The following SGTA variants were observed in gnomAD, a reference collection of about 807,000 sequenced individuals.
The protein encoded by SGTA is small glutamine rich tetratricopeptide repeat co-chaperone alpha.
A neutral mutation model predicts 44.3 loss-of-function variants in SGTA; 22 were observed. The ratio of observed to expected loss-of-function variants is 0.50; its 90% CI spans 0.36 to 0.71. The LOEUF is 0.71. SGTA is among the 30% of genes least tolerant of loss of function. SGTA has a pLI of 0.00. For synonymous variants in SGTA, 174 were observed against 177.6 expected (o/e 0.98, Z 0.16); for missense variants, 341 against 435.9 (o/e 0.78, Z 1.94).
intron 5 of SGTA, among the ~76,000 whole-genome samples, chr19:2,764,270 T>C (rs957238428): frequency 6.6e-6 from 1 of 152,224 alleles, no homozygotes; most frequent in African/African-American, 2.4e-5. Flanking sequence ...CCTCTGCAAC[T>C]GTCCTGTAAG....
In SGTA at chr19:2,755,197, CAGA is replaced by C. The variant is rs1040591867; in HGVS notation, c.*740_*742del. ...GTGCCCGGGGCTAAGGCGGCCGGGACAGAAGGTCATGATGTCGCCCCTGGCTCT... is the reference window on the plus strand; with the variant it reads ...GTGCCCGGGGCTAAGGCGGCCGGGACAGGTCATGATGTCGCCCCTGGCTCT... On this transcript the variant is annotated 3_prime_UTR_variant, in exon 12 of 12. Coordinates refer to ENST00000221566, the MANE Select transcript of SGTA (RefSeq NM_003021.4). The surrounding 1 kb of genome is among the most constrained non-coding windows in gnomAD (Gnocchi z 5.2). 6.2e-6 allele frequency: 1 copy of C among 161,910 alleles called. No homozygotes were observed. Among genetic ancestry groups the C allele is most frequent in the Non-Finnish European group, 1.3e-5 (1 of 75,856 alleles). 10.0% of individuals were successfully genotyped at this position (161,910 alleles called of 1,614,324 possible). A position where few individuals can be genotyped will look rare whatever the true frequency, so the allele number is the denominator to read the frequency against.
At position 2,755,592 on chromosome 19, in the gene SGTA, G is replaced by A. The variant is rs1259331791; in HGVS notation, c.*348C>T. 4.1e-6 allele frequency: 4 copies of A among 985,486 alleles called. No individual in the cohort carries two copies. The highest frequency in any genetic ancestry group is 3.6e-6 in the Non-Finnish European group (3 of 830,046). 61.0% of individuals were successfully genotyped at this position (985,486 alleles called of 1,614,324 possible). The stretch of plus-strand genomic sequence containing the variant: ...TTGGAAGCCACACGATCCGCCACAC[G>A]GCTGAACGTGAAACCTGCCACTTCT... On this transcript the variant is annotated 3_prime_UTR_variant, in exon 12 of 12. Transcript: ENST00000221566. The surrounding 1 kb of genome is among the most constrained non-coding windows in gnomAD (Gnocchi z 5.2).
chr19:2,773,957 G>A (rs1359759845), intron 1 of SGTA, among the ~76,000 whole-genome samples: 1 of 133,810 alleles, frequency 7.5e-6, no homozygotes, highest in Non-Finnish European at 1.5e-5. Flanking sequence ...GGCAGAGATG[G>A]GTGACGCGGC....
Position 2,761,793 on chromosome 19 carries a change from G to A in SGTA, c.637-271C>T, listed in dbSNP as rs1022864016. The stretch of plus-strand genomic sequence containing the variant: ...TGTTTATTCCCCGCACAGCGCGACC[G>A]CCCGGGGACGGCACAGTCTATCATC... On this transcript the variant is annotated intron_variant, in intron 7 of 11. Coordinates refer to ENST00000221566, the MANE Select transcript of SGTA (RefSeq NM_003021.4). The surrounding 1 kb of genome is among the most constrained non-coding windows in gnomAD (Gnocchi z 5.7). 8.4e-5 allele frequency among the ~76,000 whole-genome samples: 12 copies of A among 143,326 alleles called. No individual in the cohort carries two copies. Among genetic ancestry groups the A allele is most frequent in the East Asian group, 4.2e-4 (2 of 4,752 alleles). The allele number at this position is 143,326 out of a possible 152,430, so 94.0% of individuals were successfully genotyped here. A position where few individuals can be genotyped will look rare whatever the true frequency, so the allele number is the denominator to read the frequency against.
intron 1 of SGTA, among the ~76,000 whole-genome samples, chr19:2,774,965 G>A (rs1003404610): frequency 1.3e-5 from 2 of 152,238 alleles, no homozygotes; most frequent in Non-Finnish European, 2.9e-5. Flanking sequence ...ATGGAGTGGG[G>A]GGAGGCCAGG....
intron 8 of SGTA, among the ~76,000 whole-genome samples, chr19:2,760,089 C>G (rs1914940476): frequency 6.6e-6 from 1 of 152,194 alleles, no homozygotes. Context: ...GGCAAACTCT[C>G]TGTGTAAAGG....
At chr19:2,772,247 G>A (rs184982575) in intron 1 of SGTA, among the ~76,000 whole-genome samples, 3 of 152,358 alleles carry the variant, frequency 2.0e-5, no homozygotes, top group South Asian at 2.1e-4. Flanking sequence ...CGCCAGCCTC[G>A]GGATGGACGA....
intron 6 of SGTA, among the ~76,000 whole-genome samples, chr19:2,762,972 G>C (rs115575123): frequency 1.3e-5 from 2 of 152,214 alleles, no homozygotes; most frequent in African/African-American, 4.8e-5. Context: ...TCTTGGCCCC[G>C]CTTCCCGGCA....
At chr19:2,759,742 C>T (rs1036949960) in intron 8 of SGTA, among the ~76,000 whole-genome samples, 2 of 152,176 alleles carry the variant, frequency 1.3e-5, no homozygotes, top group Admixed American at 6.5e-5. Flanking sequence ...AGGCAGATCG[C>T]TTGAGGTCAG....
intron 6 of SGTA, 68 bp from the exon 7 acceptor site, chr19:2,762,712 CG>C (rs1915033536): frequency 1.3e-5 from 20 of 1,585,504 alleles, no homozygotes; most frequent in Non-Finnish European, 1.6e-5. Flanking sequence ...CCAAAGCCCT[CG>C]TCCCCGGCGG....
chr19:2,763,682 CG>C lies in SGTA; in HGVS notation c.467del (p.Pro156ArgfsTer46). 1 of 1,613,526 alleles carries C rather than the reference CG, an allele frequency of 6.2e-7. No homozygotes were observed. The highest frequency in any genetic ancestry group is 1.1e-5 in the South Asian group (1 of 91,034). On this transcript the variant is annotated frameshift_variant, in exon 6 of 12. Coordinates refer to ENST00000221566, the MANE Select transcript of SGTA (RefSeq NM_003021.4). LOFTEE classifies it high-confidence loss of function. This position sits in a 1 kb window ranked among gnomAD's most constrained non-coding sequence, Gnocchi z 5.8. ...TCCTGCCGTAGGCCTTGCTGTAGGC[CG>C]GGTCAATGCAGATGGCCCGCTCACA... ...QDCERAICID[P>X]AYSKAYGRMG... is the part of the protein sequence containing the mutation.
At chr19:2,779,104 C>T (rs1048767350) in intron 1 of SGTA, among the ~76,000 whole-genome samples, 16 of 152,214 alleles carry the variant, frequency 1.1e-4, no homozygotes, top group African/African-American at 3.9e-4. Context: ...TCCCCAGACA[C>T]TGCCAAACCG....
chr19:2,760,014 T>C (rs1206693687), intron 8 of SGTA, among the ~76,000 whole-genome samples: 2 of 152,106 alleles, frequency 1.3e-5, no homozygotes, highest in Non-Finnish European at 2.9e-5. Flanking sequence ...GGGCACTTTC[T>C]CATGTTAACT....
intron 8 of SGTA, among the ~76,000 whole-genome samples, chr19:2,760,743 T>G (rs1568307650): frequency 1.3e-5 from 2 of 152,068 alleles, no homozygotes; most frequent in Admixed American, 1.3e-4. Context: ...GTAAGAGGTG[T>G]GGCCTCTGCT....
chr19:2,755,756 G>C lies in SGTA; in HGVS notation c.*184C>G. 1 of 985,548 alleles carries C rather than the reference G, an allele frequency of 1.0e-6. No homozygotes were observed. Among genetic ancestry groups the C allele is most frequent in the Non-Finnish European group, 1.2e-6 (1 of 830,020 alleles). The allele number at this position is 985,548 out of a possible 1,614,324, so 61.1% of individuals were successfully genotyped here. ...TTCAAGAAGGGTCTGGGGGCTGTAA[G>C]GGAGTTACAAAAAGGGAGTGGAGGA... On this transcript the variant is annotated 3_prime_UTR_variant, in exon 12 of 12. Coordinates refer to ENST00000221566, the MANE Select transcript of SGTA (RefSeq NM_003021.4). This position sits in a 1 kb window ranked among gnomAD's most constrained non-coding sequence, Gnocchi z 5.2.
intron 1 of SGTA, among the ~76,000 whole-genome samples, chr19:2,778,717 T>C (rs7249935): frequency 0.022 from 3,345 of 152,174 alleles, 103 homozygotes; most frequent in African/African-American, 0.075. Flanking sequence ...TCACAAACTA[T>C]GGAGGATTGC....
intron 1 of SGTA, among the ~76,000 whole-genome samples, chr19:2,773,913 A>G (rs13344865): frequency 0.023 from 1,081 of 47,674 alleles, 171 homozygotes; most frequent in East Asian, 0.14. Flanking sequence ...GAGGGCAGAG[A>G]TGGGTGACGC....
Position 2,759,461 on chromosome 19 carries a change from C to A in SGTA, c.700-167G>T, listed in dbSNP as rs537854819. 4.8e-6 allele frequency: 3 copies of A among 624,662 alleles called. No individual in the cohort carries two copies. In the East Asian group the frequency reaches 8.1e-5, roughly 17 times the overall value. 38.7% of individuals were successfully genotyped at this position (624,662 alleles called of 1,614,324 possible). ...ATACCCTTTTCCCTACATTTTCGCC[C>A]CCCCACCCACGAGCTGTGACCTCCA... is the stretch of plus-strand genomic sequence containing the variant. On this transcript the variant is annotated intron_variant, in intron 8 of 11. Transcript: ENST00000221566.
At chr19:2,776,869 G>A (rs138672036) in intron 1 of SGTA, among the ~76,000 whole-genome samples, 15 of 151,624 alleles carry the variant, frequency 9.9e-5, no homozygotes, top group South Asian at 2.1e-4. Context: ...AGGCTGAGGC[G>A]GGAGAATCGC....
Sources: gnomAD v4.1 joint callset for allele counts (sites outside exome capture counted in the v4.1 genomes callset) on GRCh38, gnomAD v4.1.1 for gene constraint, Gnocchi (gnomAD v3.1) non-coding constraint, MANE v1.5 for transcripts, NCBI Gene and HGNC (gene_info 2026-07-23, HGNC 2026-07-21) for gene names.